The following EIF3I variants were observed in gnomAD, a reference collection of about 807,000 sequenced individuals.
EIF3I encodes TGF-beta receptor-interacting protein 1.
In EIF3I, 20 loss-of-function variants were observed where a neutral mutation model predicts 43.3. The ratio of observed to expected loss-of-function variants is 0.46; its 90% confidence interval spans 0.32 to 0.67. The LOEUF is 0.67. EIF3I is among the 30% of genes least tolerant of loss of function. The pLI is 0.03. For missense variants in EIF3I, 279 were observed against 421.4 expected, an observed-to-expected ratio of 0.66 and a Z score of 2.96; for synonymous variants, 167 against 151.7, an observed-to-expected ratio of 1.10 and a Z score of -0.74.
At chr1:32,222,615 T>C in exon 2 of EIF3I, 2 of 1,614,084 alleles carry the variant, frequency 1.2e-6, no homozygotes, top group Non-Finnish European at 1.7e-6. Flanking sequence ...TCCTCTTTAC[T>C]GTGGCCAAGG....
rs371644805 is a variant in EIF3I, at chr1:32,222,411, A to G, written c.-31A>G. 3.3e-4 allele frequency: 516 copies of G among 1,587,186 alleles called. No homozygotes were observed. The African/African-American group carries it at 3.7e-3, about 11-fold the overall frequency. ...CTCGAAACCTTTTCCGGTCTTACTC[A>G]CGTTGCGGCCTTCCTCGCGTCACAG... On this transcript the variant is annotated 5_prime_UTR_variant, in exon 1 of 12. Transcript: ENST00000676679.
At chr1:32,223,940 A>C in intron 2 of EIF3I, 94 bp from the exon 3 acceptor site, 1 of 1,083,920 alleles carries the variant, frequency 9.2e-7, no homozygotes, top group South Asian at 1.3e-5. Flanking sequence ...GGGCAGAATC[A>C]GCCTTGCTAC....
At chr1:32,233,318 C>A (rs921249305), downstream of EIF3I, among the ~76,000 whole-genome samples, 1 of 152,150 alleles carries the variant, frequency 6.6e-6, no homozygotes, top group Non-Finnish European at 1.5e-5. Context: ...ACATGCCCGG[C>A]TAATTTTTTG....
downstream of EIF3I, among the ~76,000 whole-genome samples, chr1:32,235,943 CT>C (rs1639292808): frequency 1.3e-5 from 2 of 152,200 alleles, no homozygotes; most frequent in Non-Finnish European, 2.9e-5. Flanking sequence ...CTTCTCAGCT[CT>C]GTTTAAAAGC....
downstream of EIF3I, chr1:32,234,147 AAT>A (rs2124273114): frequency 6.6e-6 from 1 of 152,168 alleles, no homozygotes; most frequent in South Asian, 2.1e-4. Flanking sequence ...AAAGTATAAA[AAT>A]TAGCCGGACG....
chr1:32,229,032 C>T, intron 8 of EIF3I, 103 bp from the exon 9 acceptor site: 1 of 1,287,998 alleles, frequency 7.8e-7, no homozygotes, highest in Admixed American at 2.0e-5. Flanking sequence ...TTGGTATCCT[C>T]CCATTGAGCC....
At chr1:32,225,687 C>G (rs749592988) in intron 4 of EIF3I, among the ~76,000 whole-genome samples, 11 of 150,694 alleles carry the variant, frequency 7.3e-5, no homozygotes, top group Non-Finnish European at 1.5e-4. Context: ...CGAGATCACA[C>G]CATCGCACAG....
chr1:32,223,896 G>C (rs1006819818), intron 2 of EIF3I, 138 bp from the exon 3 acceptor site: 3 of 729,254 alleles, frequency 4.1e-6, no homozygotes, highest in Non-Finnish European at 7.0e-6. Flanking sequence ...CTTTTTACCA[G>C]CTCCCTGCTG....
intron 10 of EIF3I, among the ~76,000 whole-genome samples, chr1:32,230,486 T>A (rs1182698183): frequency 6.6e-6 from 1 of 151,936 alleles, no homozygotes; most frequent in African/African-American, 2.4e-5. Flanking sequence ...CCTCCCAAAG[T>A]GTTGGGATTA....
chr1:32,222,714 G>A (rs1042507407), intron 2 of EIF3I, 84 bp downstream of exon 2: 1 of 1,409,904 alleles, frequency 7.1e-7, no homozygotes, highest in Non-Finnish European at 1.0e-6. Context: ...TGCCGTTAGC[G>A]GGGAACCAAA....
In EIF3I at chr1:32,229,218, A is replaced by G. The variant is rs72666792; in HGVS notation, c.803+10A>G. 134,391 of 1,609,044 alleles carry G rather than the reference A, an allele frequency of 0.084. 7,764 individuals are homozygous for G. Among genetic ancestry groups the G allele is most frequent in the South Asian group, 0.23 (20,795 of 90,318 alleles). On this transcript the variant is annotated intron_variant, in intron 9 of 11. Transcript: ENST00000676679. ...GCAAGTTTGAGGCCAGGTAAAGAAG[A>G]AGAGAGCTCTTCCAAATTAAAATCT...
At chr1:32,224,510 T>C in intron 4 of EIF3I, 35 bp downstream of exon 4, 2 of 1,543,204 alleles carry the variant, frequency 1.3e-6, no homozygotes, top group South Asian at 2.2e-5. Flanking sequence ...TAGCAAATAT[T>C]GAGGACCTAC....
At chr1:32,229,900 A>G (rs770488435) in intron 9 of EIF3I, among the ~76,000 whole-genome samples, 3 of 152,114 alleles carry the variant, frequency 2.0e-5, no homozygotes, top group Non-Finnish European at 2.9e-5. Context: ...TAATGAGACA[A>G]TGACAATATA....
At chr1:32,235,369 T>C (rs758408781), downstream of EIF3I, among the ~76,000 whole-genome samples, 1 of 151,670 alleles carries the variant, frequency 6.6e-6, no homozygotes, top group Non-Finnish European at 1.5e-5. Context: ...TCTTGCTCTG[T>C]CTCCAGGCTG....
At chr1:32,225,736 A>T (rs1238242740) in intron 4 of EIF3I, among the ~76,000 whole-genome samples, 1 of 146,216 alleles carries the variant, frequency 6.8e-6, no homozygotes, top group Non-Finnish European at 1.5e-5. Flanking sequence ...TCTCAAAAAA[A>T]AAAAGGCCGG....
At chr1:32,227,495 G>C (rs189482128) in intron 6 of EIF3I, among the ~76,000 whole-genome samples, 156 of 152,080 alleles carry the variant, frequency 1.0e-3, no homozygotes, top group Middle Eastern at 0.01. Flanking sequence ...AGGATCACAG[G>C]CCGGGTGTGG....
At chr1:32,233,403 C>T (rs895669711), downstream of EIF3I, among the ~76,000 whole-genome samples, 5 of 152,298 alleles carry the variant, frequency 3.3e-5, no homozygotes, top group East Asian at 5.8e-4. Context: ...ATCTGCCCAC[C>T]TCAGCCTCCC....
Position 32,228,721 on chromosome 1 carries a change from C to T in EIF3I, c.640-6C>T, listed in dbSNP as rs1639187756. 2 of 1,613,716 alleles carry T rather than the reference C, an allele frequency of 1.2e-6. No homozygotes were observed. The highest frequency in any genetic ancestry group is 8.5e-7 in the Non-Finnish European group (1 of 1,179,746). ...TACAGATTTCCCCCCTGCCTTCTCT[C>T]TCCAGCTTTTTGACTCCACAACTCT... On this transcript the variant is annotated splice_polypyrimidine_tract_variant and splice_region_variant and intron_variant, in intron 7 of 11. Transcript: ENST00000676679.
chr1:32,229,752 T>C (rs966456253), intron 9 of EIF3I, among the ~76,000 whole-genome samples: 1 of 150,814 alleles, frequency 6.6e-6, no homozygotes, highest in Non-Finnish European at 1.5e-5. Context: ...GATTTCACCA[T>C]GTTTGCCAGG....
Sources: gnomAD v4.1 joint callset for allele counts (sites outside exome capture counted in the v4.1 genomes callset) on GRCh38, gnomAD v4.1.1 for gene constraint, MANE v1.5 for transcripts, NCBI Gene and HGNC (gene_info 2026-07-23, HGNC 2026-07-21) for gene names.